The following CDH4 variants were observed in gnomAD, a reference collection of about 807,000 sequenced individuals.
CDH4 encodes the protein cadherin-4.
In CDH4, 33 loss-of-function variants were observed where a neutral mutation model predicts 86.0. The observed-to-expected ratio is 0.38, with a 90% CI of 0.29 to 0.51. The LOEUF (loss-of-function observed/expected upper bound fraction) is 0.51, where lower values mean the gene tolerates loss of function less well. Ranked by LOEUF, CDH4 falls within the 20% of genes least tolerant of loss-of-function variation. CDH4 has a pLI of 0.86. For missense variants in CDH4, 1,114 were observed against 1,307.4 expected (o/e 0.85, Z 2.28); for synonymous variants, 555 against 549.4 (o/e 1.01, Z -0.14).
At chr20:61,482,583 T>A (rs6121628) in intron 2 of CDH4, among the ~76,000 whole-genome samples, 7,535 of 152,184 alleles carry the variant, frequency 0.05, 643 homozygotes, top group African/African-American at 0.17. Flanking sequence ...TGGGACTGGT[T>A]TTTTGCCCTT....
At chr20:61,463,204 A>G (rs1358548418) in intron 2 of CDH4, among the ~76,000 whole-genome samples, 2 of 152,154 alleles carry the variant, frequency 1.3e-5, no homozygotes, top group Non-Finnish European at 2.9e-5. Flanking sequence ...CTGTGAGTCC[A>G]TTAAACCTCT....
chr20:61,710,151 A>G (rs1292633919), intron 2 of CDH4, among the ~76,000 whole-genome samples: 1 of 151,922 alleles, frequency 6.6e-6, no homozygotes, highest in Non-Finnish European at 1.5e-5. Context: ...AGGCACTATC[A>G]CCCCCACTAG....
chr20:61,597,704 G>A (rs1329870972), intron 2 of CDH4, among the ~76,000 whole-genome samples: 1 of 152,324 alleles, frequency 6.6e-6, no homozygotes, highest in East Asian at 1.9e-4. Flanking sequence ...AGCTTCAGCA[G>A]GGGTGCGCCT....
chr20:61,679,380 G>C (rs1328493627), intron 2 of CDH4, among the ~76,000 whole-genome samples: 2 of 152,334 alleles, frequency 1.3e-5, no homozygotes, highest in South Asian at 4.1e-4. Context: ...CAGGCCTGGA[G>C]GTGAGGGGTG....
intron 2 of CDH4, among the ~76,000 whole-genome samples, chr20:61,474,711 TA>T (rs996795861): frequency 1.1e-4 from 17 of 150,994 alleles, no homozygotes; most frequent in East Asian, 3.9e-4. Context: ...TTCTTTTTTT[TA>T]AAAAAAAAAT....
intron 2 of CDH4, among the ~76,000 whole-genome samples, chr20:61,522,450 C>A (rs2085876818): frequency 6.6e-6 from 1 of 152,240 alleles, no homozygotes; most frequent in African/African-American, 2.4e-5. Context: ...AATGTCGCAT[C>A]CATTAACGTT....
At position 61,444,461 on chromosome 20, in the gene CDH4, G is replaced by A. The variant is rs1007668061; in HGVS notation, c.169+189524G>A. Among the ~76,000 whole-genome samples, 28 of 139,818 alleles carry A rather than the reference G, an allele frequency of 2.0e-4. No individual in the cohort carries two copies. In the Admixed American group the frequency reaches 2.0e-3, roughly 10 times the overall value. 91.7% of individuals were successfully genotyped at this position (139,818 alleles called of 152,430 possible). A position where few individuals can be genotyped will look rare whatever the true frequency, so the allele number is the denominator to read the frequency against. ...TGGGTTTCTTTGTGTGTGTATTTGTGTGTATCTGCATGAGTGTTTCTCTGT... is the reference window on the plus strand; with the variant it reads ...TGGGTTTCTTTGTGTGTGTATTTGTATGTATCTGCATGAGTGTTTCTCTGT... On this transcript the variant is annotated intron_variant, in intron 2 of 15. Transcript: ENST00000614565.
intron 2 of CDH4, among the ~76,000 whole-genome samples, chr20:61,553,093 T>C (rs2086146501): frequency 6.6e-6 from 1 of 152,330 alleles, no homozygotes; most frequent in Admixed American, 6.5e-5. Flanking sequence ...GACAGTGGAA[T>C]ATTCAGCCAT....
intron 4 of CDH4, among the ~76,000 whole-genome samples, chr20:61,843,434 G>A (rs1450079319): frequency 1.5e-5 from 2 of 131,988 alleles, no homozygotes; most frequent in Non-Finnish European, 3.1e-5. Context: ...TCCGGCCTGG[G>A]CGACAGAGCG....
chr20:61,303,885 G>T (rs1230300667), intron 2 of CDH4, among the ~76,000 whole-genome samples: 1 of 152,150 alleles, frequency 6.6e-6, no homozygotes, highest in African/African-American at 2.4e-5. Context: ...CGATGGGCAC[G>T]GTGCCATCCT....
intron 9 of CDH4, among the ~76,000 whole-genome samples, chr20:61,917,957 T>C (rs375559444): frequency 6.8e-4 from 103 of 152,372 alleles, no homozygotes; most frequent in African/African-American, 2.3e-3. Context: ...CCCGGGAACA[T>C]GAGCCAATAA....
intron 2 of CDH4, among the ~76,000 whole-genome samples, chr20:61,697,403 G>T (rs1380873956): frequency 6.6e-6 from 1 of 152,112 alleles, no homozygotes; most frequent in South Asian, 2.1e-4. Flanking sequence ...TTCAAGACTA[G>T]CCTGGCCAAC....
At chr20:61,408,579 C>T (rs143437268) in intron 2 of CDH4, among the ~76,000 whole-genome samples, 10 of 152,264 alleles carry the variant, frequency 6.6e-5, no homozygotes, top group Admixed American at 1.3e-4. Context: ...TGCCCCTGTG[C>T]TCAGAGGGTG....
At chr20:61,578,271 G>A (rs530779625) in intron 2 of CDH4, among the ~76,000 whole-genome samples, 1 of 152,290 alleles carries the variant, frequency 6.6e-6, no homozygotes, top group East Asian at 1.9e-4. Flanking sequence ...GGAGAGGCCA[G>A]GGCACTGGGG....
At chr20:61,409,277 T>A (rs1394085190) in intron 2 of CDH4, among the ~76,000 whole-genome samples, 1 of 152,202 alleles carries the variant, frequency 6.6e-6, no homozygotes, top group Non-Finnish European at 1.5e-5. Flanking sequence ...CAGCTGGGAC[T>A]CAGAGAGAAC....
chr20:61,563,754 G>C (rs1202353345), intron 2 of CDH4, among the ~76,000 whole-genome samples: 1 of 152,210 alleles, frequency 6.6e-6, no homozygotes, highest in African/African-American at 2.4e-5. Context: ...CCTTTGCTGA[G>C]CCCCCTCTGT....
chr20:61,356,976 G>A (rs1053003683), intron 2 of CDH4, among the ~76,000 whole-genome samples: 1 of 152,306 alleles, frequency 6.6e-6, no homozygotes, highest in Non-Finnish European at 1.5e-5. Context: ...GCTAAGAGAC[G>A]AGGGAATCTG....
chr20:61,433,686 T>A lies in CDH4; in HGVS notation c.169+178749T>A, dbSNP rs187106205. On this transcript the variant is annotated intron_variant, in intron 2 of 15. Transcript: ENST00000614565. ...GGGCTAGAGGGGATAAAGGAGAGAG[T>A]GGTGGCGCATGTGCCCAGGCTCCCG... 4.9e-3 allele frequency among the ~76,000 whole-genome samples: 750 copies of A among 151,684 alleles called. 7 individuals carry two copies. Among genetic ancestry groups the A allele is most frequent in the African/African-American group, 0.017 (712 of 41,332 alleles).
Position 61,803,412 on chromosome 20 carries a change from A to G in CDH4, c.576+30230A>G, listed in dbSNP as rs147234696. On this transcript the variant is annotated intron_variant, in intron 4 of 15. Coordinates refer to ENST00000614565, the MANE Select transcript of CDH4 (RefSeq NM_001794.5). ...TATTTAAATTTAAGTCTGGCTCCCA[A>G]ATGAAATCTTTTCGTTCAACTGTTC... Among the ~76,000 whole-genome samples the G allele has an allele frequency of 1.7e-3, 264 of 152,364 alleles. 2 individuals are homozygous for G. Among genetic ancestry groups the G allele is most frequent in the African/African-American group, 6.1e-3 (252 of 41,590 alleles).
Sources: gnomAD v4.1 joint callset for allele counts (sites outside exome capture counted in the v4.1 genomes callset) on GRCh38, gnomAD v4.1.1 for gene constraint, MANE v1.5 for transcripts, NCBI Gene and HGNC (gene_info 2026-07-23, HGNC 2026-07-21) for gene names.